Variants in ITGB2 observed in about 807,000 individuals in gnomAD.
ITGB2 encodes the protein integrin beta-2.
A neutral mutation model predicts 86.8 loss-of-function variants in ITGB2; 56 were observed. The observed-to-expected ratio is 0.65, with a 90% confidence interval of 0.52 to 0.81. ITGB2 has a LOEUF of 0.81. ITGB2 is among the 30% of genes least tolerant of loss of function. ITGB2 has a pLI of 0.00. For missense variants in ITGB2, 948 were observed against 1,061.2 expected, an observed-to-expected ratio of 0.89 and a Z score of 1.48; for synonymous variants, 457 against 450.4, an observed-to-expected ratio of 1.01 and a Z score of -0.19.
At chr21:44,900,787 G>C (rs983833984) in intron 6 of ITGB2, among the ~76,000 whole-genome samples, 1 of 152,230 alleles carries the variant, frequency 6.6e-6, no homozygotes. Context: ...CCATCCCCAA[G>C]GGGAAAAACC....
At chr21:44,890,257 C>T in intron 11 of ITGB2, 35 bp from the exon 12 acceptor site, 1 of 1,611,856 alleles carries the variant, frequency 6.2e-7, no homozygotes, top group Non-Finnish European at 8.5e-7. Flanking sequence ...TCAGGCTCCC[C>T]CCAGTGATGT....
intron 4 of ITGB2, among the ~76,000 whole-genome samples, chr21:44,905,216 A>G (rs2084024937): frequency 6.6e-6 from 1 of 152,028 alleles, no homozygotes; most frequent in Non-Finnish European, 1.5e-5. Context: ...ACCCCGCGAG[A>G]GGACAGTCCC....
At chr21:44,910,811 C>G in intron 1 of ITGB2, 26 bp from the exon 2 acceptor site, 1 of 1,607,964 alleles carries the variant, frequency 6.2e-7, no homozygotes, top group Non-Finnish European at 8.5e-7. Flanking sequence ...GTCTTGGTGA[C>G]GGTCTCAGGC....
chr21:44,907,758 A>C (rs1490004510), intron 3 of ITGB2, among the ~76,000 whole-genome samples: 1 of 152,150 alleles, frequency 6.6e-6, no homozygotes, highest in Admixed American at 6.5e-5. Flanking sequence ...GCTTTCGTAG[A>C]GGGAAGCTCA....
chr21:44,888,942 T>C lies in ITGB2; in HGVS notation c.1878-47A>G, dbSNP rs756417639. 2.0e-6 allele frequency: 3 copies of C among 1,526,760 alleles called. No individual in the cohort carries two copies. In the Admixed American group the frequency reaches 5.2e-5, roughly 26 times the overall value. 94.6% of individuals were successfully genotyped at this position (1,526,760 alleles called of 1,614,324 possible). ...CATCGGTGCCAGGGTGTGCGGGGGC[T>C]CCGGCAACGGGGGCTCGGGCTTGGG... is the stretch of plus-strand genomic sequence containing the variant. On this transcript the variant is annotated intron_variant, in intron 13 of 15. Coordinates refer to ENST00000652462, the MANE Select transcript of ITGB2 (RefSeq NM_000211.5).
intron 11 of ITGB2, among the ~76,000 whole-genome samples, chr21:44,890,545 G>C (rs1214559371): frequency 6.6e-6 from 1 of 152,202 alleles, no homozygotes; most frequent in Admixed American, 6.5e-5. Context: ...TCTGTGAGTG[G>C]CTGGTGTCTG....
chr21:44,886,041 C>T lies in ITGB2; in HGVS notation c.*327G>A, dbSNP rs1601276176. The T allele has an allele frequency of 2.5e-6, 1 of 402,350 alleles. No homozygotes were observed. Among genetic ancestry groups the T allele is most frequent in the South Asian group, 2.6e-5 (1 of 38,902 alleles). 24.9% of individuals were successfully genotyped at this position (402,350 alleles called of 1,614,324 possible). ...TAATTAATGGGATGTCATTTTATAC[C>T]CTGACAAGTTTAAATGTAAATAAAT... On this transcript the variant is annotated 3_prime_UTR_variant, in exon 16 of 16. Coordinates refer to ENST00000652462, the MANE Select transcript of ITGB2 (RefSeq NM_000211.5).
At position 44,895,055 on chromosome 21, in the gene ITGB2, G is replaced by A; in HGVS notation, c.999C>T (p.Leu333=). The A allele has an allele frequency of 6.2e-7, 1 of 1,612,874 alleles. No individual in the cohort carries two copies. Residue 333 remains leucine (L), a synonymous_variant, in exon 9 of 16, where the codon CTC becomes CTT. Transcript: ENST00000652462. ...TSRMVKTYEK[L]TEIIPKSAVG... is the part of the protein sequence containing the mutation. Reference sequence around the variant, plus strand: ...CGGCTGACTTGGGGATGATCTCGGTGAGTTTCTGTTGGGCAAGAAGACCAG... The same window carrying A: ...CGGCTGACTTGGGGATGATCTCGGTAAGTTTCTGTTGGGCAAGAAGACCAG...
intron 5 of ITGB2, among the ~76,000 whole-genome samples, chr21:44,903,067 G>A (rs1016718782): frequency 1.3e-5 from 2 of 152,186 alleles, no homozygotes; most frequent in African/African-American, 4.8e-5. Flanking sequence ...TTTAATAATT[G>A]GCACTGTCAG....
In ITGB2 at chr21:44,890,025, T is replaced by C; in HGVS notation, c.1610A>G (p.Asp537Gly). ...KLIYGQYCEC[D>G]TINCERYNGQ... ...GTTGTAGCGCTCACAGTTGATGGTG[T>C]CACACTCGCAGTACTGCCCGTATAT... The change falls in exon 12 of 16, where the codon GAC becomes GGC. Residue 537 changes from aspartate (D) to glycine (G), a missense_variant. Coordinates refer to ENST00000652462, the MANE Select transcript of ITGB2 (RefSeq NM_000211.5). The C allele has an allele frequency of 6.2e-7, 1 of 1,613,430 alleles. No homozygotes were observed. The highest frequency in any genetic ancestry group is 8.5e-7 in the Non-Finnish European group (1 of 1,180,020).
At chr21:44,890,469 G>A (rs1204830597) in intron 11 of ITGB2, among the ~76,000 whole-genome samples, 2 of 152,226 alleles carry the variant, frequency 1.3e-5, no homozygotes, top group African/African-American at 4.8e-5. Flanking sequence ...GCATGCAGTG[G>A]CTCGGCAGGC....
rs766552279 is a variant in ITGB2, at chr21:44,910,756, G to A, written c.27C>T (p.Leu9=). 5.6e-6 allele frequency: 9 copies of A among 1,614,002 alleles called. No individual in the cohort carries two copies. Among genetic ancestry groups the A allele is most frequent in the South Asian group, 1.1e-5 (1 of 91,048 alleles). The change falls in exon 2 of 16, where the codon CTC becomes CTT. Residue 9 remains leucine (L), a synonymous_variant. Coordinates refer to ENST00000652462, the MANE Select transcript of ITGB2 (RefSeq NM_000211.5). ...CGAGGGAGAGCAGCCCCACCAGGGC[G>A]AGCAGTGGGGGGCGCAGGCCCAGCA... The part of the protein sequence containing the change: MLGLRPPL[L]ALVGLLSLGC...
intron 1 of ITGB2, among the ~76,000 whole-genome samples, chr21:44,919,023 A>G (rs75817923): frequency 0.54 from 77,370 of 144,090 alleles, 22,834 homozygotes; most frequent in African/African-American, 0.82. Flanking sequence ...ACTCGGAGGC[A>G]CCTGCAGTTG....
intron 1 of ITGB2, among the ~76,000 whole-genome samples, chr21:44,913,959 T>C (rs1384300294): frequency 6.6e-6 from 1 of 152,104 alleles, no homozygotes; most frequent in Non-Finnish European, 1.5e-5. Context: ...CCGGCAGAGC[T>C]GCAGGGCAGG....
intron 15 of ITGB2, 56 bp downstream of exon 15, chr21:44,886,680 C>T: frequency 6.2e-7 from 1 of 1,609,870 alleles, no homozygotes; most frequent in Non-Finnish European, 8.5e-7. Flanking sequence ...CAGGAGGTCG[C>T]ATAGTGTGGG....
chr21:44,889,606 G>A (rs2083755567), intron 12 of ITGB2, 111 bp from the exon 13 acceptor site: 1 of 1,052,224 alleles, frequency 9.5e-7, no homozygotes, highest in South Asian at 1.4e-5. Flanking sequence ...CCAGCCTGGG[G>A]GATGTTCCTG....
intron 2 of ITGB2, 124 bp downstream of exon 2, chr21:44,910,601 C>G (rs769444856): frequency 1.4e-6 from 2 of 1,387,114 alleles, no homozygotes; most frequent in South Asian, 2.5e-5. Flanking sequence ...CCGACCTACC[C>G]CCAGTGGCAA....
At chr21:44,911,795 A>T (rs1416353917) in intron 1 of ITGB2, among the ~76,000 whole-genome samples, 1 of 152,122 alleles carries the variant, frequency 6.6e-6, no homozygotes. Context: ...CTGGTGCTGG[A>T]GGCCGGCAGC....
At chr21:44,886,937 A>G in intron 14 of ITGB2, 35 bp from the exon 15 acceptor site, 1 of 1,608,644 alleles carries the variant, frequency 6.2e-7, no homozygotes, top group Middle Eastern at 1.7e-4. Flanking sequence ...GCGTCAGTCC[A>G]GCCCCATCTC....
Sources: allele counts gnomAD v4.1 joint callset (sites outside exome capture counted in the v4.1 genomes callset), GRCh38; gene constraint gnomAD v4.1.1; transcripts MANE v1.5; gene names NCBI Gene and HGNC (gene_info 2026-07-23, HGNC 2026-07-21).